Variants in LUZP2 observed in about 807,000 individuals in gnomAD.
LUZP2 encodes the protein leucine zipper protein 2.
A neutral mutation model predicts 51.6 loss-of-function variants in LUZP2; 52 were observed. The observed-to-expected ratio is 1.01, with a 90% CI of 0.81 to 1.27. The LOEUF is 1.27. Among genes scored for constraint, LUZP2 ranks in the 50% most tolerant of loss-of-function variants. The probability of loss-of-function intolerance (pLI) is 0.00; values close to 1 mark genes in which losing one functional copy is unlikely to be tolerated. For synonymous variants in LUZP2, 154 were observed against 137.3 expected (o/e 1.12, Z -0.85); for missense variants, 436 against 395.4 (o/e 1.10, Z -0.87).
At chr11:25,047,995 C>G (rs7129432) in intron 9 of LUZP2, among the ~76,000 whole-genome samples, 1 of 151,652 alleles carries the variant, frequency 6.6e-6, no homozygotes, top group Non-Finnish European at 1.5e-5. Flanking sequence ...AAAATTGTAG[C>G]GACAGGAGAC....
At chr11:24,579,543 TCTTTGCTCTACAAATAC>T (rs1231709779) in intron 1 of LUZP2, among the ~76,000 whole-genome samples, 1 of 152,108 alleles carries the variant, frequency 6.6e-6, no homozygotes, top group Non-Finnish European at 1.5e-5. Flanking sequence ...AACTTTTGAT[TCTTTGCTCTACAAATAC>T]CTATTCTATA....
At chr11:24,684,062 C>G (rs771724143) in intron 1 of LUZP2, among the ~76,000 whole-genome samples, 55 of 152,124 alleles carry the variant, frequency 3.6e-4, no homozygotes, top group Middle Eastern at 3.4e-3. Flanking sequence ...CCTTTGTTCT[C>G]CTCCCCTCAA....
intron 9 of LUZP2, among the ~76,000 whole-genome samples, chr11:25,030,877 T>A: frequency 9.0e-6 from 1 of 110,704 alleles, no homozygotes; most frequent in African/African-American, 3.0e-5. Flanking sequence ...TGTATATGTG[T>A]GTTACTATAT....
intron 5 of LUZP2, among the ~76,000 whole-genome samples, chr11:24,825,892 A>G (rs1034030796): frequency 1.1e-4 from 16 of 152,028 alleles, no homozygotes; most frequent in African/African-American, 2.4e-4. Flanking sequence ...TTTAAAAATT[A>G]TAATAAAAGT....
chr11:24,665,239 G>A (rs1856174680), intron 1 of LUZP2, among the ~76,000 whole-genome samples: 1 of 152,140 alleles, frequency 6.6e-6, no homozygotes, highest in South Asian at 2.1e-4. Context: ...GAGCCTGTAA[G>A]CCCCTTTGTT....
At chr11:24,970,176 T>A (rs10767289) in intron 7 of LUZP2, among the ~76,000 whole-genome samples, 1 of 151,980 alleles carries the variant, frequency 6.6e-6, no homozygotes, top group Admixed American at 6.6e-5. Context: ...AAGCAGCTAC[T>A]AGAGGTCTTG....
intron 1 of LUZP2, among the ~76,000 whole-genome samples, chr11:24,635,822 A>T (rs1590274588): frequency 6.6e-6 from 1 of 152,104 alleles, no homozygotes; most frequent in Admixed American, 6.6e-5. Context: ...ATGCCTTAAG[A>T]GGCCCCACAG....
chr11:25,042,134 T>C (rs1858083645), intron 9 of LUZP2, among the ~76,000 whole-genome samples: 1 of 152,136 alleles, frequency 6.6e-6, no homozygotes, highest in African/African-American at 2.4e-5. Context: ...TAAAATTTCC[T>C]CATGTTATAT....
chr11:24,534,035 T>C (rs1327599850), intron 1 of LUZP2, among the ~76,000 whole-genome samples: 4 of 151,226 alleles, frequency 2.6e-5, no homozygotes, highest in Non-Finnish European at 5.9e-5. Context: ...CTTCTCTAAG[T>C]CTAAATAAAT....
In LUZP2 at chr11:24,984,646, C is replaced by T. The variant is rs190700715; in HGVS notation, c.765+1353C>T. ...GTTAAAAATAATTAATATATCAGTA[C>T]CCCCACCATTTAAATTTATTGTTTT... On this transcript the variant is annotated intron_variant, in intron 9 of 11. Coordinates refer to ENST00000336930, the MANE Select transcript of LUZP2 (RefSeq NM_001009909.4). 2.4e-3 allele frequency among the ~76,000 whole-genome samples: 356 copies of T among 149,182 alleles called. 2 individuals carry two copies. The highest frequency in any genetic ancestry group is 8.3e-3 in the African/African-American group (337 of 40,796).
intron 5 of LUZP2, among the ~76,000 whole-genome samples, chr11:24,790,874 C>A (rs777402323): frequency 6.6e-6 from 1 of 152,102 alleles, no homozygotes; most frequent in Non-Finnish European, 1.5e-5. Flanking sequence ...TGTTCCAGAC[C>A]TCAGTCTTCA....
chr11:24,903,144 C>T (rs1403714012), intron 5 of LUZP2, among the ~76,000 whole-genome samples: 1 of 152,120 alleles, frequency 6.6e-6, no homozygotes, highest in African/African-American at 2.4e-5. Flanking sequence ...ACCTGAGCAA[C>T]ATTGCAGAGC....
intron 1 of LUZP2, among the ~76,000 whole-genome samples, chr11:24,664,553 A>T (rs1267296438): frequency 6.6e-6 from 1 of 152,042 alleles, no homozygotes; most frequent in Non-Finnish European, 1.5e-5. Flanking sequence ...ACTCCATCAC[A>T]GGTCTAAGGC....
At chr11:25,044,953 G>T (rs557472280) in intron 9 of LUZP2, among the ~76,000 whole-genome samples, 2 of 149,926 alleles carry the variant, frequency 1.3e-5, no homozygotes, top group South Asian at 4.2e-4. Context: ...GCAAAGTATC[G>T]CAAGGACAAA....
chr11:24,635,837 A>C (rs1205874252), intron 1 of LUZP2, among the ~76,000 whole-genome samples: 1 of 152,084 alleles, frequency 6.6e-6, no homozygotes, highest in Non-Finnish European at 1.5e-5. Context: ...CCACAGCAAT[A>C]CTTTACTTGA....
At chr11:24,915,281 A>G (rs950287500) in intron 7 of LUZP2, among the ~76,000 whole-genome samples, 21 of 152,170 alleles carry the variant, frequency 1.4e-4, no homozygotes, top group African/African-American at 4.8e-4. Flanking sequence ...AACAAACCTC[A>G]GGTTTGTTTT....
At chr11:24,983,072 G>T in intron 8 of LUZP2, 54 bp from the exon 9 acceptor site, 1 of 1,559,572 alleles carries the variant, frequency 6.4e-7, no homozygotes, top group Non-Finnish European at 8.8e-7. Flanking sequence ...AATGCAAGCA[G>T]ATAATTGATG....
At chr11:24,954,143 A>AT (rs1481020674) in intron 7 of LUZP2, among the ~76,000 whole-genome samples, 1 of 152,026 alleles carries the variant, frequency 6.6e-6, no homozygotes, top group Non-Finnish European at 1.5e-5. Context: ...AAGACTCCAC[A>AT]TAGCACAATA....
At chr11:24,883,697 G>T (rs1412588264) in intron 5 of LUZP2, among the ~76,000 whole-genome samples, 2 of 151,926 alleles carry the variant, frequency 1.3e-5, no homozygotes, top group Non-Finnish European at 2.9e-5. Context: ...CAGTCATTAG[G>T]TATGTTTTAT....
Sources: gnomAD v4.1 joint callset for allele counts (sites outside exome capture counted in the v4.1 genomes callset) on GRCh38, gnomAD v4.1.1 for gene constraint, MANE v1.5 for transcripts, NCBI Gene and HGNC (gene_info 2026-07-23, HGNC 2026-07-21) for gene names.